The following ATP6V1H variants were observed in gnomAD, a reference collection of about 807,000 sequenced individuals.
The protein encoded by ATP6V1H is V-type proton ATPase subunit H.
ATP6V1H carries 39 observed loss-of-function variants against 71.7 expected under a neutral mutation model. The observed-to-expected ratio is 0.54, with a 90% confidence interval of 0.42 to 0.71. The LOEUF is 0.71. Ranked by LOEUF, ATP6V1H falls within the 30% of genes least tolerant of loss-of-function variation. The pLI is 0.00. For missense variants in ATP6V1H, 509 were observed against 594.9 expected (o/e 0.86, Z 1.50); for synonymous variants, 192 against 199.3 (o/e 0.96, Z 0.31).
intron 7 of ATP6V1H, among the ~76,000 whole-genome samples, chr8:53,804,033 T>C (rs1465719348): frequency 6.6e-6 from 1 of 152,236 alleles, no homozygotes; most frequent in African/African-American, 2.4e-5. Flanking sequence ...AAGGATGGAT[T>C]CTTGGTTGTT....
chr8:53,812,910 G>T (rs532979678), intron 6 of ATP6V1H, among the ~76,000 whole-genome samples: 1 of 152,166 alleles, frequency 6.6e-6, no homozygotes, highest in African/African-American at 2.4e-5. Context: ...GCCCAGGCTG[G>T]TCTCAAACTC....
At chr8:53,743,814 G>T (rs754475156) in intron 12 of ATP6V1H, 124 bp from the exon 13 acceptor site, 1 of 617,920 alleles carries the variant, frequency 1.6e-6, no homozygotes, top group East Asian at 2.9e-5. Context: ...TAAACCAAAC[G>T]TGTCTTTTTT....
chr8:53,751,440 A>G (rs879421795), intron 12 of ATP6V1H, among the ~76,000 whole-genome samples: 9 of 152,336 alleles, frequency 5.9e-5, no homozygotes, highest in Non-Finnish European at 1.2e-4. Context: ...GAAATAGTCC[A>G]AAGTGCAAAT....
intron 8 of ATP6V1H, among the ~76,000 whole-genome samples, chr8:53,796,357 T>A (rs1388321153): frequency 6.6e-6 from 1 of 152,092 alleles, no homozygotes; most frequent in Admixed American, 6.6e-5. Flanking sequence ...AAATTTCTAG[T>A]TTGATCTCTT....
chr8:53,763,441 G>A (rs781640352), intron 11 of ATP6V1H, among the ~76,000 whole-genome samples: 2 of 152,100 alleles, frequency 1.3e-5, no homozygotes, highest in African/African-American at 4.8e-5. Context: ...AATTAAATAC[G>A]ATGTAAACAA....
chr8:53,784,089 G>A (rs969761891), intron 9 of ATP6V1H, among the ~76,000 whole-genome samples: 8 of 188 alleles, frequency 0.043, no homozygotes, highest in Non-Finnish European at 0.061. Context: ...TCAATTCCTG[G>A]ATATCTTGTT....
At chr8:53,836,205 T>C (rs1230254786) in intron 2 of ATP6V1H, among the ~76,000 whole-genome samples, 1 of 152,120 alleles carries the variant, frequency 6.6e-6, no homozygotes, top group Non-Finnish European at 1.5e-5. Flanking sequence ...ACTTCCTAGA[T>C]AAAAATAATT....
intron 1 of ATP6V1H, chr8:53,842,657 C>A (rs907322810): frequency 1.3e-5 from 2 of 152,258 alleles, no homozygotes; most frequent in Non-Finnish European, 2.9e-5. Flanking sequence ...ACTCTGCAGC[C>A]AAGGAGGCTC....
chr8:53,809,935 T>C (rs575544664), intron 7 of ATP6V1H, among the ~76,000 whole-genome samples: 1 of 152,306 alleles, frequency 6.6e-6, no homozygotes, highest in African/African-American at 2.4e-5. Context: ...AGAAGGCTAA[T>C]AGCCATTTTC....
chr8:53,755,493 T>G, intron 12 of ATP6V1H, among the ~76,000 whole-genome samples: 2 of 136,204 alleles, frequency 1.5e-5, no homozygotes, highest in Non-Finnish European at 1.6e-5. Flanking sequence ...TCCCTTATGA[T>G]TAGGTTACGG....
chr8:53,801,691 A>G, intron 8 of ATP6V1H, 108 bp downstream of exon 8: 1 of 915,718 alleles, frequency 1.1e-6, no homozygotes, highest in Non-Finnish European at 1.6e-6. Flanking sequence ...TGTTAAACAG[A>G]TATGAAAAAA....
Position 53,790,572 on chromosome 8 carries a change from A to G in ATP6V1H, c.870+5075T>C, listed in dbSNP as rs188630760. On this transcript the variant is annotated intron_variant, in intron 9 of 13. Transcript: ENST00000359530. ...AGATGATATTACTCTCACAGGACACACGAAAAAAACTAAAGCACGGAGAGG... is the reference window on the plus strand; with the variant it reads ...AGATGATATTACTCTCACAGGACACGCGAAAAAAACTAAAGCACGGAGAGG... Among the ~76,000 whole-genome samples, 334 of 152,324 alleles carry G rather than the reference A, an allele frequency of 2.2e-3. 2 individuals are homozygous for G. Among genetic ancestry groups the G allele is most frequent in the African/African-American group, 7.8e-3 (323 of 41,562 alleles).
At chr8:53,772,603 A>C (rs1025474076) in intron 9 of ATP6V1H, among the ~76,000 whole-genome samples, 7 of 152,126 alleles carry the variant, frequency 4.6e-5, no homozygotes, top group Non-Finnish European at 7.4e-5. Flanking sequence ...CCCCATCTCT[A>C]ATCAACCTGT....
At chr8:53,724,630 C>T (rs1386376644) in intron 13 of ATP6V1H, among the ~76,000 whole-genome samples, 1 of 137,878 alleles carries the variant, frequency 7.3e-6, no homozygotes, top group Non-Finnish European at 1.5e-5. Context: ...GAGGACGAGG[C>T]CACGCCCCAG....
chr8:53,733,144 C>T (rs1032001501), intron 13 of ATP6V1H, among the ~76,000 whole-genome samples: 3 of 152,212 alleles, frequency 2.0e-5, no homozygotes, highest in Admixed American at 1.3e-4. Context: ...AAACTATTAT[C>T]CAGACTCATA....
At chr8:53,796,251 C>A (rs751500614) in intron 8 of ATP6V1H, among the ~76,000 whole-genome samples, 3 of 151,948 alleles carry the variant, frequency 2.0e-5, no homozygotes, top group Admixed American at 6.6e-5. Context: ...TTGGTGAAAA[C>A]CTGTGATGGG....
In ATP6V1H at chr8:53,841,625, C is replaced by T. The variant is rs1247274536; in HGVS notation, c.66G>A (p.Lys22=). 1.9e-6 allele frequency: 3 copies of T among 1,614,048 alleles called. No homozygotes were observed. The highest frequency in any genetic ancestry group is 1.7e-5 in the Admixed American group (1 of 60,004). ...AAVPTNIIAA[K]AAEVRANKVN... ...CTTTGTTTGCACGAACTTCTGCAGC[C>T]TTGGCAGCAATAATATTGGTGGGGA... The change falls in exon 2 of 14, where the codon AAG becomes AAA. Residue 22 remains lysine (K), a synonymous_variant. Transcript: ENST00000359530.
At chr8:53,786,486 C>A (rs977099409) in intron 9 of ATP6V1H, among the ~76,000 whole-genome samples, 2 of 151,432 alleles carry the variant, frequency 1.3e-5, no homozygotes, top group Admixed American at 1.3e-4. Context: ...TTGCAGTTCC[C>A]GGGTGAGGCG....
At position 53,748,829 on chromosome 8, in the gene ATP6V1H, A is replaced by G. The variant is rs139186297; in HGVS notation, c.1278-5139T>C. On this transcript the variant is annotated intron_variant, in intron 12 of 13. Transcript: ENST00000359530. ...GAGTTTGTTACTTTTCATGATGACT[A>G]TAAGTTAAAATAGAAAAATTAAACC... is the stretch of plus-strand genomic sequence containing the variant. Among the ~76,000 whole-genome samples, 347 of 152,352 alleles carry G rather than the reference A, an allele frequency of 2.3e-3. 2 individuals carry two copies. The highest frequency in any genetic ancestry group is 7.9e-3 in the African/African-American group (327 of 41,578).
Sources: gnomAD v4.1 joint callset for allele counts (sites outside exome capture counted in the v4.1 genomes callset) on GRCh38, gnomAD v4.1.1 for gene constraint, MANE v1.5 for transcripts, NCBI Gene and HGNC (gene_info 2026-07-23, HGNC 2026-07-21) for gene names.